Variants in DLG1 observed in about 807,000 individuals in gnomAD.
DLG1 encodes the protein discs large MAGUK scaffold protein 1.
DLG1 carries 42 observed loss-of-function variants against 123.4 expected under a neutral mutation model. That is an observed-to-expected ratio of 0.34 (90% CI 0.27 to 0.44). The LOEUF (loss-of-function observed/expected upper bound fraction) is 0.44. Ranked by LOEUF, DLG1 falls within the 20% of genes least tolerant of loss-of-function variation. The pLI is 1.00. For synonymous variants in DLG1, 317 were observed against 356.2 expected (o/e 0.89, Z 1.24); for missense variants, 942 against 1,082.6 (o/e 0.87, Z 1.82).
intron 4 of DLG1, among the ~76,000 whole-genome samples, chr3:197,199,449 CTA>C (rs1358056518): frequency 6.6e-6 from 1 of 152,126 alleles, no homozygotes; most frequent in Non-Finnish European, 1.5e-5. Context: ...GTCCTTCAGG[CTA>C]TGTGTATAAT....
chr3:197,297,921 G>C (rs1778306585), intron 1 of DLG1: 1 of 983,860 alleles, frequency 1.0e-6, no homozygotes, highest in East Asian at 1.1e-4. Context: ...GGAGCCGAGC[G>C]GAGGGGGCGA....
intron 23 of DLG1, among the ~76,000 whole-genome samples, chr3:197,054,305 A>G (rs1481847402): frequency 7.2e-6 from 1 of 138,178 alleles, no homozygotes. Flanking sequence ...GTTTTTGGCC[A>G]TTATTTCTTC....
intron 3 of DLG1, among the ~76,000 whole-genome samples, chr3:197,285,597 A>G (rs191645740): frequency 3.9e-5 from 6 of 152,304 alleles, no homozygotes; most frequent in Non-Finnish European, 7.4e-5. Context: ...AAAAATAGGC[A>G]AAAGATACAG....
In DLG1 at chr3:197,114,987, G is replaced by GAAAA. The variant is rs375841391; in HGVS notation, c.1443+936_1443+939dup. On this transcript the variant is annotated intron_variant, in intron 13 of 24. Transcript: ENST00000667157. ...CAACAGAGCGAGACTCCATCTCAAGGAAAAAAAAAAAAAAAAAAAAAAAGG... is the reference window on the plus strand; with the variant it reads ...CAACAGAGCGAGACTCCATCTCAAGGAAAAAAAAAAAAAAAAAAAAAAAAAAAGG... Among the ~76,000 whole-genome samples the GAAAA allele has an allele frequency of 1.9e-3, 161 of 86,058 alleles. 1 individual carries two copies. The highest frequency in any genetic ancestry group is 7.4e-3 in the African/African-American group (149 of 20,070). 56.5% of individuals were successfully genotyped at this position (86,058 alleles called of 152,430 possible). A position where few individuals can be genotyped will look rare whatever the true frequency, so the allele number is the denominator to read the frequency against.
chr3:197,138,420 A>C, intron 8 of DLG1, 29 bp from the exon 9 acceptor site: 1 of 1,159,962 alleles, frequency 8.6e-7, no homozygotes, highest in African/African-American at 1.6e-5. Context: ...ATTAAAAATA[A>C]AAATTAAATA....
intron 4 of DLG1, among the ~76,000 whole-genome samples, chr3:197,230,122 G>A (rs1742139745): frequency 6.6e-6 from 1 of 152,082 alleles, no homozygotes; most frequent in Non-Finnish European, 1.5e-5. Context: ...CTTTAAAACA[G>A]TTTTCAATTA....
chr3:197,276,565 TACTC>T (rs1766532467), intron 4 of DLG1, among the ~76,000 whole-genome samples: 1 of 152,248 alleles, frequency 6.6e-6, no homozygotes, highest in Non-Finnish European at 1.5e-5. Context: ...CAAACTACAA[TACTC>T]ACACTGTTAA....
At chr3:197,051,441 C>T (rs914888661) in intron 24 of DLG1, 136 bp downstream of exon 24, 10 of 618,370 alleles carry the variant, frequency 1.6e-5, no homozygotes, top group Non-Finnish European at 2.5e-5. Context: ...TTCCCCAGCA[C>T]CACTGCCTAG....
chr3:197,056,986 T>C (rs1732126372), intron 23 of DLG1, among the ~76,000 whole-genome samples: 1 of 152,248 alleles, frequency 6.6e-6, no homozygotes, highest in Non-Finnish European at 1.5e-5. Flanking sequence ...GCTCACATTA[T>C]CACAGAATGT....
At chr3:197,230,821 T>C (rs1414900067) in intron 4 of DLG1, among the ~76,000 whole-genome samples, 4 of 152,206 alleles carry the variant, frequency 2.6e-5, no homozygotes, top group Non-Finnish European at 5.9e-5. Context: ...ACCAGAAGTA[T>C]ACATCTTAAA....
chr3:197,134,080 G>C (rs557535905), intron 10 of DLG1, among the ~76,000 whole-genome samples: 1 of 152,200 alleles, frequency 6.6e-6, no homozygotes, highest in African/African-American at 2.4e-5. Flanking sequence ...GAAAACTAGT[G>C]CAACAGAAGG....
intron 9 of DLG1, 75 bp downstream of exon 9, chr3:197,138,147 T>C (rs1172222275): frequency 2.3e-6 from 2 of 866,388 alleles, no homozygotes; most frequent in Non-Finnish European, 3.3e-6. Flanking sequence ...GGAATGTATG[T>C]CACAGATAAA....
chr3:197,271,210 G>T (rs1452785937), intron 4 of DLG1, among the ~76,000 whole-genome samples: 1 of 152,102 alleles, frequency 6.6e-6, no homozygotes, highest in African/African-American at 2.4e-5. Context: ...CTCACTTGGG[G>T]CTTTCCTGAT....
chr3:197,045,934 T>C (rs529705446), intron 24 of DLG1, among the ~76,000 whole-genome samples: 30 of 152,278 alleles, frequency 2.0e-4, no homozygotes, highest in Admixed American at 1.6e-3. Context: ...ATTTGGTACC[T>C]GAGATGATGT....
intron 4 of DLG1, among the ~76,000 whole-genome samples, chr3:197,256,156 T>C (rs1341879478): frequency 6.6e-6 from 1 of 152,230 alleles, no homozygotes; most frequent in Non-Finnish European, 1.5e-5. Flanking sequence ...TTTTTAGATA[T>C]ATCTTCTGCA....
Position 197,274,008 on chromosome 3 carries a change from T to C in DLG1, c.318+8671A>G, listed in dbSNP as rs114521080. Among the ~76,000 whole-genome samples, 802 of 152,254 alleles carry C rather than the reference T, an allele frequency of 5.3e-3. 6 individuals carry two copies. The highest frequency in any genetic ancestry group is 0.017 in the African/African-American group (713 of 41,538). On this transcript the variant is annotated intron_variant, in intron 4 of 24. Coordinates refer to ENST00000667157, the MANE Select transcript of DLG1 (RefSeq NM_001366207.1). ...TGTTCATAGATTGGAAAAACTAATA[T>C]TGTTAAAATGTCCATACTAACCAAA...
intron 10 of DLG1, among the ~76,000 whole-genome samples, chr3:197,132,570 A>G (rs1783195234): frequency 6.6e-6 from 1 of 152,132 alleles, no homozygotes; most frequent in Admixed American, 6.5e-5. Context: ...TGCATTTTGA[A>G]ATACATATTA....
intron 4 of DLG1, among the ~76,000 whole-genome samples, chr3:197,240,043 T>C (rs1437679236): frequency 6.6e-6 from 1 of 152,100 alleles, no homozygotes; most frequent in East Asian, 1.9e-4. Flanking sequence ...GACTGTCCCT[T>C]ATCTTAGCCC....
chr3:197,213,353 A>T (rs1732255261), intron 4 of DLG1, among the ~76,000 whole-genome samples: 1 of 152,198 alleles, frequency 6.6e-6, no homozygotes, highest in Non-Finnish European at 1.5e-5. Context: ...AATGTTTGAA[A>T]ATGTAAAATA....
Sources: gnomAD v4.1 joint callset for allele counts (sites outside exome capture counted in the v4.1 genomes callset) on GRCh38, gnomAD v4.1.1 for gene constraint, MANE v1.5 for transcripts, NCBI Gene and HGNC (gene_info 2026-07-23, HGNC 2026-07-21) for gene names.